The following NDUFAF2 variants were observed in gnomAD, a reference collection of about 807,000 sequenced individuals.
NDUFAF2 encodes NADH dehydrogenase [ubiquinone] 1 alpha subcomplex assembly factor 2.
Under a neutral mutation model 22.8 loss-of-function variants are expected in NDUFAF2, and 13 were observed. The ratio of observed to expected loss-of-function variants is 0.57; its 90% confidence interval spans 0.37 to 0.91. NDUFAF2 has a LOEUF of 0.91. Ranked by LOEUF, NDUFAF2 falls within the 40% of genes least tolerant of loss-of-function variation. The probability of loss-of-function intolerance (pLI) is 0.01; values close to 1 mark genes in which losing one functional copy is unlikely to be tolerated. For synonymous variants in NDUFAF2, 53 were observed against 64.2 expected, an observed-to-expected ratio of 0.83 and a Z score of 0.84; for missense variants, 162 against 195.2, an observed-to-expected ratio of 0.83 and a Z score of 1.01.
intron 3 of NDUFAF2, chr5:61,114,590 G>A (rs1433348574): frequency 1.3e-5 from 2 of 152,132 alleles, no homozygotes; most frequent in Non-Finnish European, 2.9e-5. Context: ...CTTGATGCTT[G>A]TGGACATTCA....
intron 3 of NDUFAF2, among the ~76,000 whole-genome samples, chr5:61,117,532 A>AT (rs759406516): frequency 6.6e-6 from 1 of 151,768 alleles, no homozygotes; most frequent in Non-Finnish European, 1.5e-5. Context: ...ACTTTTTTTG[A>AT]TTTTGTAGAG....
intron 1 of NDUFAF2, among the ~76,000 whole-genome samples, chr5:61,018,616 T>G (rs1337958805): frequency 6.6e-6 from 1 of 152,164 alleles, no homozygotes; most frequent in Non-Finnish European, 1.5e-5. Context: ...TGTATTTTTA[T>G]TTATTCAATA....
chr5:60,990,147 G>A (rs556145899), intron 1 of NDUFAF2, among the ~76,000 whole-genome samples: 45 of 151,904 alleles, frequency 3.0e-4, no homozygotes, highest in African/African-American at 1.1e-3. Flanking sequence ...GGTTACCAGA[G>A]GTTAGGAAGG....
chr5:60,976,214 A>G (rs1175239747), intron 1 of NDUFAF2, among the ~76,000 whole-genome samples: 1 of 152,134 alleles, frequency 6.6e-6, no homozygotes, highest in South Asian at 2.1e-4. Context: ...CTAGATGTAA[A>G]TTTTTAAAAA....
chr5:61,136,042 T>TATATATATATATATATATATATATATAC (rs70977827), intron 3 of NDUFAF2, among the ~76,000 whole-genome samples: 1 of 123,322 alleles, frequency 8.1e-6, no homozygotes, highest in Non-Finnish European at 1.7e-5. Flanking sequence ...TATATATATA[T>TATATATATATATATATATATATATATAC]CTAGGGTGGA....
chr5:61,147,490 T>C (rs189448313), intron 3 of NDUFAF2, among the ~76,000 whole-genome samples: 60 of 147,538 alleles, frequency 4.1e-4, no homozygotes, highest in Non-Finnish European at 6.9e-4. Context: ...TCCAGGCTGG[T>C]CATGAACTCC....
chr5:60,956,939 G>C (rs1179952284), intron 1 of NDUFAF2, among the ~76,000 whole-genome samples: 1 of 134,274 alleles, frequency 7.4e-6, no homozygotes, highest in Non-Finnish European at 1.6e-5. Flanking sequence ...TGAGAAACCA[G>C]ATCAAAAGAG....
intron 3 of NDUFAF2, among the ~76,000 whole-genome samples, chr5:61,151,021 A>G (rs1423631737): frequency 1.3e-5 from 2 of 152,202 alleles, no homozygotes. Context: ...GAAAATTACA[A>G]GAATATTTAT....
At chr5:61,058,971 T>C (rs1332279642) in intron 1 of NDUFAF2, among the ~76,000 whole-genome samples, 1 of 152,060 alleles carries the variant, frequency 6.6e-6, no homozygotes, top group Admixed American at 6.5e-5. Context: ...TGTAACTGCT[T>C]TTTCAGCAGA....
At position 60,945,386 on chromosome 5, in the gene NDUFAF2, A is replaced by C; in HGVS notation, c.127+4A>C. The C allele has an allele frequency of 6.2e-7, 1 of 1,614,196 alleles. No homozygotes were observed. The highest frequency in any genetic ancestry group is 8.5e-7 in the Non-Finnish European group (1 of 1,180,032). ...CCGCAGTACAAGAACTGGAGAGGTG[A>C]GGTGGCGGCGTGGGCAGCGATTGCG... On this transcript the variant is annotated splice_donor_region_variant and intron_variant, in intron 1 of 3. Coordinates refer to ENST00000296597, the MANE Select transcript of NDUFAF2 (RefSeq NM_174889.5).
chr5:61,047,390 G>A (rs1751966738), intron 1 of NDUFAF2, among the ~76,000 whole-genome samples: 1 of 151,880 alleles, frequency 6.6e-6, no homozygotes, highest in Admixed American at 6.6e-5. Context: ...TCCAATATCT[G>A]CACCTAACCA....
chr5:61,106,246 G>C lies in NDUFAF2; in HGVS notation c.258+7214G>C, dbSNP rs151009003. On this transcript the variant is annotated intron_variant, in intron 3 of 3. Transcript: ENST00000296597. Reference sequence around the variant, plus strand: ...TACAGATTACTTATCAATTACAAAAGGGGAAAAGGGACCTTTCTAGTAGAC... The same window carrying C: ...TACAGATTACTTATCAATTACAAAACGGGAAAAGGGACCTTTCTAGTAGAC... 4.8e-3 allele frequency among the ~76,000 whole-genome samples: 730 copies of C among 151,394 alleles called. 1 individual carries two copies. Among genetic ancestry groups the C allele is most frequent in the Non-Finnish European group, 6.4e-3 (437 of 67,962 alleles).
At chr5:61,113,757 A>T (rs1752874260) in intron 3 of NDUFAF2, among the ~76,000 whole-genome samples, 1 of 152,054 alleles carries the variant, frequency 6.6e-6, no homozygotes, top group South Asian at 2.1e-4. Context: ...TTTAGAAATT[A>T]CCCATTCTCA....
At chr5:61,093,876 T>A (rs1752602857) in intron 2 of NDUFAF2, among the ~76,000 whole-genome samples, 1 of 152,186 alleles carries the variant, frequency 6.6e-6, no homozygotes, top group South Asian at 2.1e-4. Context: ...AATTCAGCTA[T>A]GAATCTGTCT....
At chr5:60,972,099 A>T in intron 1 of NDUFAF2, among the ~76,000 whole-genome samples, 1 of 151,420 alleles carries the variant, frequency 6.6e-6, no homozygotes, top group East Asian at 1.9e-4. Context: ...TACGCCACCG[A>T]GCCTGGCTAA....
In NDUFAF2 at chr5:61,110,266, T is replaced by G. The variant is rs189617105; in HGVS notation, c.258+11234T>G. 6.5e-3 allele frequency among the ~76,000 whole-genome samples: 983 copies of G among 152,018 alleles called. 5 individuals are homozygous for G. The highest frequency in any genetic ancestry group is 0.011 in the Non-Finnish European group (723 of 67,982). Reference sequence around the variant, plus strand: ...ATTGGCCTATAGTTTTCTTTTCTTCTTCTTCTTCTTCTTTTTTTTTTTAAA... The same window carrying G: ...ATTGGCCTATAGTTTTCTTTTCTTCGTCTTCTTCTTCTTTTTTTTTTTAAA... On this transcript the variant is annotated intron_variant, in intron 3 of 3. Coordinates refer to ENST00000296597, the MANE Select transcript of NDUFAF2 (RefSeq NM_174889.5).
intron 1 of NDUFAF2, among the ~76,000 whole-genome samples, chr5:61,002,048 A>G (rs867859742): frequency 1.3e-5 from 2 of 152,224 alleles, no homozygotes; most frequent in Middle Eastern, 6.8e-3. Flanking sequence ...CAGCTCCATC[A>G]ATAAGCAAGA....
chr5:60,945,501 G>C (rs533042595), intron 1 of NDUFAF2, 119 bp downstream of exon 1: 19 of 1,443,260 alleles, frequency 1.3e-5, no homozygotes, highest in Non-Finnish European at 1.8e-5. Context: ...TGTCACCGGA[G>C]AGAATTTCCC....
intron 1 of NDUFAF2, among the ~76,000 whole-genome samples, chr5:61,037,268 C>T (rs1751811640): frequency 6.6e-6 from 1 of 152,116 alleles, no homozygotes; most frequent in Non-Finnish European, 1.5e-5. Flanking sequence ...TTAGGGAAGG[C>T]TTTGTAGAGA....
Sources: allele counts gnomAD v4.1 joint callset (sites outside exome capture counted in the v4.1 genomes callset), GRCh38; gene constraint gnomAD v4.1.1; transcripts MANE v1.5; gene names NCBI Gene and HGNC (gene_info 2026-07-23, HGNC 2026-07-21).